Variants in NSUN7 observed in about 807,000 individuals in gnomAD.
The protein encoded by NSUN7 is protein NSUN7.
Under a neutral mutation model 58.5 loss-of-function variants are expected in NSUN7, and 39 were observed. That is an observed-to-expected ratio of 0.67 (90% CI 0.52 to 0.87). The LOEUF (loss-of-function observed/expected upper bound fraction) is 0.87, where lower values mean the gene tolerates loss of function less well. Ranked by LOEUF, NSUN7 falls within the 40% of genes least tolerant of loss-of-function variation. The probability of loss-of-function intolerance (pLI) is 0.00; values close to 1 mark genes in which losing one functional copy is unlikely to be tolerated. For synonymous variants in NSUN7, 278 were observed against 303.7 expected (o/e 0.92, Z 0.88); for missense variants, 765 against 844.1 (o/e 0.91, Z 1.16).
intron 7 of NSUN7, among the ~76,000 whole-genome samples, chr4:40,778,019 C>T (rs1742351733): frequency 6.6e-6 from 1 of 152,100 alleles, no homozygotes; most frequent in South Asian, 2.1e-4. Context: ...AGTTCTAGAA[C>T]TGAAAAATAC....
At position 40,798,816 on chromosome 4, in the gene NSUN7, A is replaced by G; in HGVS notation, c.1312A>G (p.Thr438Ala). 6.2e-7 allele frequency: 1 copy of G among 1,611,512 alleles called. No homozygotes were observed. Among genetic ancestry groups the G allele is most frequent in the South Asian group, 1.1e-5 (1 of 90,746 alleles). ...TAAAGCTCAAGCAGTTGTTTACTGC[A>G]CATGTTCAGTTTTTCCAGAAGAAAA... ...FTKAQAVVYC[T>A]CSVFPEENEA... The change falls in exon 10 of 12, where the codon ACA becomes GCA. Residue 438 changes from threonine (T) to alanine (A), a missense_variant. Physicochemically the swap from Thr to Ala is moderately conservative, Grantham distance 58. Transcript: ENST00000381782.
chr4:40,759,795 C>T (rs1233286357), intron 2 of NSUN7, among the ~76,000 whole-genome samples: 1 of 152,176 alleles, frequency 6.6e-6, no homozygotes, highest in African/African-American at 2.4e-5. Context: ...AATCCCAGCA[C>T]TTTGGGAGGC....
At position 40,774,945 on chromosome 4, in the gene NSUN7, T is replaced by C. The variant is rs772987419; in HGVS notation, c.820T>C (p.Phe274Leu). 1.8e-6 allele frequency: 2 copies of C among 1,105,584 alleles called. No individual in the cohort carries two copies. Among genetic ancestry groups the C allele is most frequent in the Admixed American group, 4.0e-5 (2 of 50,192 alleles). The allele number at this position is 1,105,584 out of a possible 1,614,324, so 68.5% of individuals were successfully genotyped here. Reference sequence around the variant, plus strand: ...TCTTTTCAAAGATTACAAACTTATATTTCAGGTAAACTAATATTTACTTTC... The same window carrying C: ...TCTTTTCAAAGATTACAAACTTATACTTCAGGTAAACTAATATTTACTTTC... Reference protein sequence around the residue: ...IDLFKDYKLIFQDKSRSLAVH... With the variant: ...IDLFKDYKLILQDKSRSLAVH... The change falls in exon 6 of 12, where the codon TTT (phenylalanine) becomes CTT (leucine). Residue 274 changes from phenylalanine to leucine, a missense_variant. Physicochemically the swap from Phe to Leu is conservative, Grantham distance 22. Transcript: ENST00000381782.
Position 40,785,366 on chromosome 4 carries a change from A to AT in NSUN7, c.1037-5226dup, listed in dbSNP as rs568552888. On this transcript the variant is annotated intron_variant, in intron 7 of 11. Coordinates refer to ENST00000381782, the MANE Select transcript of NSUN7 (RefSeq NM_024677.6). ...AGTAGGAAATCCCATGACATTTTGG[A>AT]TTTTTTTTTTGAGATGGAGTTTCAC... is the stretch of plus-strand genomic sequence containing the variant. Among the ~76,000 whole-genome samples the AT allele has an allele frequency of 5.9e-4, 88 of 148,206 alleles. No individual in the cohort carries two copies. The South Asian group carries it at 9.8e-3, about 17-fold the overall frequency.
In NSUN7 at chr4:40,790,635, T is replaced by G; in HGVS notation, c.1070T>G (p.Ile357Ser). The G allele has an allele frequency of 1.3e-6, 2 of 1,584,568 alleles. No homozygotes were observed. Among genetic ancestry groups the G allele is most frequent in the Non-Finnish European group, 1.7e-6 (2 of 1,162,016 alleles). ...ATACTTCATGAGAAATTTATTAACATTGAATCAAAGGATCACAGGTTACAG... is the reference window on the plus strand; with the variant it reads ...ATACTTCATGAGAAATTTATTAACAGTGAATCAAAGGATCACAGGTTACAG... ...IEILHEKFIN[I>S]ESKDHRLQKV... The change falls in exon 8 of 12, where the codon ATT (isoleucine) becomes AGT (serine). Residue 357 changes from isoleucine to serine, a missense_variant. Physicochemically the swap from Ile to Ser is moderately radical, Grantham distance 142. Coordinates refer to ENST00000381782, the MANE Select transcript of NSUN7 (RefSeq NM_024677.6).
intron 7 of NSUN7, among the ~76,000 whole-genome samples, chr4:40,780,306 CAATA>C (rs1475312822): frequency 6.6e-6 from 1 of 151,936 alleles, no homozygotes; most frequent in East Asian, 1.9e-4. Context: ...ATCAATCAAT[CAATA>C]AAGGAGAGAA....
intron 7 of NSUN7, among the ~76,000 whole-genome samples, chr4:40,785,676 A>AGTGAC (rs2154288327): frequency 6.6e-6 from 1 of 151,992 alleles, no homozygotes; most frequent in South Asian, 2.1e-4. Context: ...TTGGAATTAA[A>AGTGAC]ATACTTCAAA....
intron 7 of NSUN7, among the ~76,000 whole-genome samples, chr4:40,790,316 C>T (rs1743021319): frequency 6.6e-6 from 1 of 152,124 alleles, no homozygotes; most frequent in South Asian, 2.1e-4. Flanking sequence ...ATTTTTCTGC[C>T]TCTGAAGTCT....
rs1317945980 is a variant in NSUN7 at position 40,807,164 on chromosome 4, C to G, written c.1504C>G (p.Leu502Val). 1.3e-6 allele frequency: 2 copies of G among 1,546,988 alleles called. No individual in the cohort carries two copies. The highest frequency in any genetic ancestry group is 4.0e-5 in the Admixed American group (2 of 49,578). Residue 502 changes from leucine to valine, a missense_variant, in exon 11 of 12, where the codon CTT becomes GTT. Coordinates refer to ENST00000381782, the MANE Select transcript of NSUN7 (RefSeq NM_024677.6). ...EPSEITNGCFLSILTRERDPS... is the reference protein window; with the variant it reads ...EPSEITNGCFVSILTRERDPS... ...ATCTGAAATTACCAATGGTTGTTTT[C>G]TTTCTATTTTAACAAGGGAGGTAAG...
rs905450764 is a variant in NSUN7, at chr4:40,752,460, G to A, written c.298+1469G>A. Among the ~76,000 whole-genome samples the A allele has an allele frequency of 5.3e-5, 8 of 152,106 alleles. No homozygotes were observed. In the South Asian group the frequency reaches 6.2e-4, roughly 12 times the overall value. ...TTTTGAGATGGAGTCTCACTCTGTCGCCCAGGCTGAAGTGCAGTGGCACAA... is the reference window on the plus strand; with the variant it reads ...TTTTGAGATGGAGTCTCACTCTGTCACCCAGGCTGAAGTGCAGTGGCACAA... On this transcript the variant is annotated intron_variant, in intron 2 of 11. Transcript: ENST00000381782.
chr4:40,786,016 A>G (rs2154288348), intron 7 of NSUN7: 2 of 1,452,170 alleles, frequency 1.4e-6, no homozygotes, highest in South Asian at 3.0e-5. Flanking sequence ...AGGGAAGGAC[A>G]GTTAGTCAGT....
intron 11 of NSUN7, 163 bp from the exon 12 acceptor site, chr4:40,808,144 G>GC: frequency 1.6e-6 from 1 of 627,914 alleles, no homozygotes; most frequent in Non-Finnish European, 2.4e-6. Context: ...AAAGGCATTC[G>GC]CTGAGGCTTA....
chr4:40,762,253 A>G (rs765961961), intron 4 of NSUN7, among the ~76,000 whole-genome samples: 7 of 152,222 alleles, frequency 4.6e-5, no homozygotes, highest in Admixed American at 1.3e-4. Context: ...GCAGTGCAAA[A>G]TGAACTAAGA....
chr4:40,757,725 TACAC>T (rs33941131), intron 2 of NSUN7, among the ~76,000 whole-genome samples: 90,525 of 142,334 alleles, frequency 0.64, 29,065 homozygotes, highest in Middle Eastern at 0.77. Flanking sequence ...TGTGTATATA[TACAC>T]ACACACACAC....
At chr4:40,773,576 G>A (rs1355097218) in intron 4 of NSUN7, among the ~76,000 whole-genome samples, 5 of 151,784 alleles carry the variant, frequency 3.3e-5, no homozygotes, top group South Asian at 2.1e-4. Flanking sequence ...CCAGCAACTC[G>A]GGAGGCTGAG....
chr4:40,790,610 A>G lies in NSUN7; in HGVS notation c.1045A>G (p.Ile349Val). Residue 349 changes from isoleucine (I) to valine (V), a missense_variant, in exon 8 of 12, where the codon ATA (isoleucine) becomes GTA (valine). Transcript: ENST00000381782. ...CTGTGTTTTTTCCCCAGATATTGAA[A>G]TACTTCATGAGAAATTTATTAACAT... ...FTKIGCKNIE[I>V]LHEKFINIES... 6.5e-7 allele frequency: 1 copy of G among 1,547,952 alleles called. No homozygotes were observed. Among genetic ancestry groups the G allele is most frequent in the Admixed American group, 2.0e-5 (1 of 50,326 alleles).
intron 4 of NSUN7, among the ~76,000 whole-genome samples, chr4:40,767,173 T>G (rs2154287159): frequency 6.6e-6 from 1 of 152,280 alleles, no homozygotes; most frequent in Non-Finnish European, 1.5e-5. Context: ...AATTGTGATG[T>G]TAGGGTGTCA....
Position 40,807,055 on chromosome 4 carries a change from C to A in NSUN7, c.1401-6C>A, listed in dbSNP as rs776541225. 283 of 1,550,722 alleles carry A rather than the reference C, an allele frequency of 1.8e-4. No individual in the cohort carries two copies. The highest frequency in any genetic ancestry group is 5.9e-5 in the Admixed American group (3 of 50,692). ...ACTGCTGAATGCTTGTTCCTGTCTG[C>A]TGCAGGCTTAGTCCTCCTGTTCTTC... is the stretch of plus-strand genomic sequence containing the variant. On this transcript the variant is annotated splice_polypyrimidine_tract_variant and splice_region_variant and intron_variant, in intron 10 of 11. Transcript: ENST00000381782.
At chr4:40,751,892 A>T (rs1220388131) in intron 2 of NSUN7, among the ~76,000 whole-genome samples, 2 of 152,140 alleles carry the variant, frequency 1.3e-5, no homozygotes, top group Non-Finnish European at 2.9e-5. Context: ...GATACTTGGG[A>T]GATTGAGGCG....
Sources: gnomAD v4.1 joint callset for allele counts (sites outside exome capture counted in the v4.1 genomes callset) on GRCh38, gnomAD v4.1.1 for gene constraint, MANE v1.5 for transcripts, NCBI Gene and HGNC (gene_info 2026-07-23, HGNC 2026-07-21) for gene names.